TADA1: variants seen among roughly 807,000 people sequenced by gnomAD.
TADA1 encodes transcriptional adaptor 1.
TADA1 carries 23 observed loss-of-function variants against 39.3 expected under a neutral mutation model. The observed-to-expected ratio is 0.58, with a 90% CI of 0.42 to 0.83. The LOEUF (loss-of-function observed/expected upper bound fraction) is 0.83, where lower values mean the gene tolerates loss of function less well. Ranked by LOEUF, TADA1 falls within the 40% of genes least tolerant of loss-of-function variation. TADA1 has a pLI of 0.00. For missense variants in TADA1, 352 were observed against 408.1 expected (o/e 0.86, Z 1.18); for synonymous variants, 137 against 151.8 (o/e 0.90, Z 0.72).
intron 3 of TADA1, among the ~76,000 whole-genome samples, chr1:166,866,345 T>C (rs563677769): frequency 1.5e-3 from 235 of 152,336 alleles, no homozygotes; most frequent in African/African-American, 5.5e-3. Context: ...TCCTTATCTA[T>C]AAAAACAGGC....
At chr1:166,876,009 CCCGG>C (rs1658760216) in intron 1 of TADA1, 147 bp downstream of exon 1, 1 of 765,788 alleles carries the variant, frequency 1.3e-6, no homozygotes, top group Admixed American at 4.0e-5. Context: ...CCCGCCCCGC[CCCGG>C]CCGGAGAAAC....
In TADA1 at chr1:166,876,254, G is replaced by A. The variant is rs761427428; in HGVS notation, c.-21C>T. ...GCCATTGCTCCGCGTGTCTCAGCCC[G>A]ACCGCAGACCGCCCGGCCACCGCGA... On this transcript the variant is annotated 5_prime_UTR_variant, in exon 1 of 8. Coordinates refer to ENST00000367874, the MANE Select transcript of TADA1 (RefSeq NM_053053.4). 6.8e-6 allele frequency: 11 copies of A among 1,608,442 alleles called. No homozygotes were observed. In the Admixed American group the frequency reaches 1.4e-4, roughly 20 times the overall value.
intron 3 of TADA1, among the ~76,000 whole-genome samples, chr1:166,865,462 T>C (rs1437806267): frequency 6.6e-6 from 1 of 150,500 alleles, no homozygotes; most frequent in African/African-American, 2.5e-5. Context: ...CATGAACATA[T>C]ATTGTTTAAT....
At chr1:166,858,029 G>C (rs1658320310) in intron 7 of TADA1, 90 bp downstream of exon 7, 1 of 1,486,346 alleles carries the variant, frequency 6.7e-7, no homozygotes, top group Non-Finnish European at 9.2e-7. Context: ...AAGCCAAGAA[G>C]TGGAAAAAAC....
intron 6 of TADA1, among the ~76,000 whole-genome samples, chr1:166,859,664 C>T (rs1658364024): frequency 6.6e-6 from 1 of 152,084 alleles, no homozygotes; most frequent in Admixed American, 6.5e-5. Flanking sequence ...AGCTGAGAGA[C>T]CATGTCTGCA....
intron 1 of TADA1, among the ~76,000 whole-genome samples, chr1:166,874,250 G>T (rs1483181096): frequency 6.6e-6 from 1 of 151,636 alleles, no homozygotes; most frequent in Non-Finnish European, 1.5e-5. Context: ...CTGAGGCAGA[G>T]AAGTGCTTGA....
intron 3 of TADA1, among the ~76,000 whole-genome samples, chr1:166,864,276 C>T (rs979063704): frequency 2.6e-5 from 4 of 152,130 alleles, no homozygotes; most frequent in South Asian, 2.1e-4. Flanking sequence ...TCTCCCAAGA[C>T]GCTACAAAAT....
rs751445174 is a variant in TADA1, at chr1:166,857,658, G to A, written c.917C>T (p.Thr306Met). 1.2e-5 allele frequency: 20 copies of A among 1,614,042 alleles called. No individual in the cohort carries two copies. The highest frequency in any genetic ancestry group is 1.7e-5 in the Admixed American group (1 of 60,008). Reference sequence around the variant, plus strand: ...TTCATGATTTGGATGCCAGAGTTTCGTGATGATCCTTTCAATGTTAAGAGC... The same window carrying A: ...TTCATGATTTGGATGCCAGAGTTTCATGATGATCCTTTCAATGTTAAGAGC... ...VYALNIERIITKLWHPNHEEL... is the reference protein window; with the variant it reads ...VYALNIERIIMKLWHPNHEEL... Residue 306 changes from threonine (T) to methionine (M), a missense_variant, in exon 8 of 8, where the codon ACG becomes ATG. Around this residue, in one of 3 missense-constraint regions of TADA1, gnomAD observed 285 missense variants for 310.9 expected, o/e 0.92. Coordinates refer to ENST00000367874, the MANE Select transcript of TADA1 (RefSeq NM_053053.4).
chr1:166,875,777 T>C (rs1316582985), intron 1 of TADA1, among the ~76,000 whole-genome samples: 1 of 152,302 alleles, frequency 6.6e-6, no homozygotes, highest in South Asian at 2.1e-4. Context: ...CCCTGCGCTA[T>C]GCCCTCTGGC....
intron 5 of TADA1, among the ~76,000 whole-genome samples, chr1:166,860,587 A>G (rs1658383579): frequency 6.6e-6 from 1 of 152,258 alleles, no homozygotes; most frequent in Non-Finnish European, 1.5e-5. Context: ...CTTGCTATAC[A>G]TGAAATTTGA....
chr1:166,871,108 C>A (rs888261856), intron 1 of TADA1, among the ~76,000 whole-genome samples: 1 of 151,998 alleles, frequency 6.6e-6, no homozygotes, highest in Non-Finnish European at 1.5e-5. Context: ...CATCTCAGCA[C>A]AAAGAAAATG....
At chr1:166,858,031 G>A (rs2101784867) in intron 7 of TADA1, 88 bp downstream of exon 7, 1 of 1,499,238 alleles carries the variant, frequency 6.7e-7, no homozygotes, top group Non-Finnish European at 9.1e-7. Flanking sequence ...GCCAAGAAGT[G>A]GAAAAAACCA....
Position 166,857,473 on chromosome 1 carries a change from CTA to C in TADA1, c.*92_*93del. ...TTCCATAGGAAAGGTTATATATACA[CTA>C]TACACTTCAGCCTTGAAATGTGGAC... On this transcript the variant is annotated 3_prime_UTR_variant, in exon 8 of 8. Transcript: ENST00000367874. 3 of 1,404,088 alleles carry C rather than the reference CTA, an allele frequency of 2.1e-6. No homozygotes were observed. The highest frequency in any genetic ancestry group is 3.0e-6 in the Non-Finnish European group (3 of 1,015,150). The allele number at this position is 1,404,088 out of a possible 1,614,324, so 87.0% of individuals were successfully genotyped here.
At chr1:166,864,255 T>C (rs899981426) in intron 3 of TADA1, among the ~76,000 whole-genome samples, 2 of 152,216 alleles carry the variant, frequency 1.3e-5, no homozygotes, top group African/African-American at 4.8e-5. Context: ...TGAGCACATG[T>C]ATTTATCTCC....
chr1:166,867,585 ATTTT>A (rs761995627), intron 3 of TADA1, among the ~76,000 whole-genome samples: 21 of 141,956 alleles, frequency 1.5e-4, no homozygotes, highest in African/African-American at 4.4e-4. Flanking sequence ...TCTTATGTGA[ATTTT>A]TTTTTTTTTT....
At chr1:166,870,068 T>C (rs1202207304) in intron 1 of TADA1, among the ~76,000 whole-genome samples, 3 of 152,136 alleles carry the variant, frequency 2.0e-5, no homozygotes, top group Admixed American at 1.3e-4. Flanking sequence ...ATTTTGCTTC[T>C]TCCCCAAGTT....
chr1:166,859,746 G>A (rs1658365571), intron 6 of TADA1, among the ~76,000 whole-genome samples: 1 of 150,538 alleles, frequency 6.6e-6, no homozygotes, highest in Admixed American at 6.6e-5. Context: ...ACAAGAGCCA[G>A]ATGAGGGCCT....
At chr1:166,862,482 A>G in intron 4 of TADA1, 70 bp from the exon 5 acceptor site, 1 of 1,286,606 alleles carries the variant, frequency 7.8e-7, no homozygotes, top group East Asian at 2.4e-5. Flanking sequence ...AAACTCCTGT[A>G]CTGAAGTTGA....
Position 166,862,271 on chromosome 1 carries a change from T to G in TADA1, c.472A>C (p.Thr158Pro). 1 of 1,614,136 alleles carries G rather than the reference T, an allele frequency of 6.2e-7. No homozygotes were observed. Among genetic ancestry groups the G allele is most frequent in the Non-Finnish European group, 8.5e-7 (1 of 1,180,006 alleles). ...RGQLEGRMIV[T>P]AYEHGLDNVT... ...TTGTCCAGCCCATGCTCATAAGCAG[T>G]CACTATCATTCTCCCTTCAAGCTGG... Residue 158 changes from threonine (T) to proline (P), a missense_variant, in exon 5 of 8, where the codon ACT becomes CCT. Around this residue, in one of 3 missense-constraint regions of TADA1, gnomAD observed 285 missense variants for 310.9 expected, o/e 0.92. Transcript: ENST00000367874.
Sources: gnomAD v4.1 joint callset for allele counts (sites outside exome capture counted in the v4.1 genomes callset) on GRCh38, gnomAD v4.1.1 for gene constraint, gnomAD v4.1.1 regional missense constraint, MANE v1.5 for transcripts, NCBI Gene and HGNC (gene_info 2026-07-23, HGNC 2026-07-21) for gene names.